The following PRKAG1 variants were observed in gnomAD, a reference collection of about 807,000 sequenced individuals.
PRKAG1 encodes the protein protein kinase AMP-activated non-catalytic subunit gamma 1, also known as 5'-AMP-activated protein kinase subunit gamma-1.
Under a neutral mutation model 48.2 loss-of-function variants are expected in PRKAG1, and 27 were observed. The ratio of observed to expected loss-of-function variants is 0.56; its 90% CI spans 0.41 to 0.77. The LOEUF (loss-of-function observed/expected upper bound fraction) is 0.77, where lower values mean the gene tolerates loss of function less well. Among genes scored for constraint, PRKAG1 ranks in the 30% least tolerant of loss-of-function variants. The pLI is 0.00. For synonymous variants in PRKAG1, 130 were observed against 147.7 expected (o/e 0.88, Z 0.87); for missense variants, 287 against 398.3 (o/e 0.72, Z 2.38).
intron 11 of PRKAG1, 52 bp downstream of exon 11, chr12:49,003,092 C>T (rs1592268958): frequency 1.2e-6 from 2 of 1,613,580 alleles, no homozygotes; most frequent in East Asian, 2.2e-5. Context: ...TTGCCAAACC[C>T]CACTCTCAAG....
chr12:49,013,456 G>C (rs1321969059), intron 1 of PRKAG1, among the ~76,000 whole-genome samples: 6 of 152,058 alleles, frequency 3.9e-5, no homozygotes, highest in Non-Finnish European at 8.8e-5. Context: ...TGTTGCCCAG[G>C]CTGGTCTTGA....
In PRKAG1 at chr12:49,013,108, G is replaced by T. The variant is rs1565739616; in HGVS notation, c.12C>A (p.Val4=). MET[V]ISSDSSPAVE... is the part of the protein sequence containing the mutation. ...CAGCTGGGGAGCTATCTGAAGAAAT[G>T]ACCTGGAGAGATAAGAAAACAGATT... The change falls in exon 2 of 12, where the codon GTC becomes GTA. Residue 4 remains valine (V), a splice_region_variant and synonymous_variant. Transcript: ENST00000548065. 6.2e-7 allele frequency: 1 copy of T among 1,613,310 alleles called. No individual in the cohort carries two copies. The highest frequency in any genetic ancestry group is 2.2e-5 in the East Asian group (1 of 44,884).
intron 2 of PRKAG1, among the ~76,000 whole-genome samples, chr12:49,012,441 G>T (rs1026611663): frequency 6.6e-6 from 1 of 150,394 alleles, no homozygotes; most frequent in East Asian, 2.0e-4. Context: ...GCAATGGCAC[G>T]ATCTTGGCTC....
intron 7 of PRKAG1, 57 bp from the exon 8 acceptor site, chr12:49,004,690 C>T (rs1221474642): frequency 1.2e-6 from 2 of 1,609,268 alleles, no homozygotes; most frequent in African/African-American, 1.3e-5. Flanking sequence ...GGTGATTAAA[C>T]AGGTCCATAC....
intron 7 of PRKAG1, 76 bp from the exon 8 acceptor site, chr12:49,004,709 G>A: frequency 3.1e-6 from 5 of 1,590,820 alleles, no homozygotes; most frequent in Non-Finnish European, 4.3e-6. Flanking sequence ...ACAGTGTATT[G>A]CTCAACAGGG....
chr12:49,003,094 A>G, intron 11 of PRKAG1, 50 bp downstream of exon 11: 1 of 1,612,656 alleles, frequency 6.2e-7, no homozygotes, highest in Non-Finnish European at 8.5e-7. Context: ...GCCAAACCCC[A>G]CTCTCAAGGC....
chr12:49,008,851 T>C (rs1255966456), intron 2 of PRKAG1, among the ~76,000 whole-genome samples: 1 of 152,216 alleles, frequency 6.6e-6, no homozygotes, highest in East Asian at 1.9e-4. Flanking sequence ...ACTCATAGGA[T>C]CTCTGTTTCC....
At chr12:49,013,885 T>G (rs1010577622) in intron 1 of PRKAG1, among the ~76,000 whole-genome samples, 2 of 152,094 alleles carry the variant, frequency 1.3e-5, no homozygotes, top group African/African-American at 4.8e-5. Context: ...TTGTAAATTT[T>G]TTTGTTTGTT....
chr12:49,004,162 C>T, intron 8 of PRKAG1: 1 of 549,178 alleles, frequency 1.8e-6, no homozygotes, highest in Non-Finnish European at 3.1e-6. Flanking sequence ...TGTGGTGGTA[C>T]ACACGTGTAG....
At position 49,003,753 on chromosome 12, in the gene PRKAG1, T is replaced by C; in HGVS notation, c.703+4A>G. On this transcript the variant is annotated splice_donor_region_variant and intron_variant, in intron 9 of 11. Transcript: ENST00000548065. Reference sequence around the variant, plus strand: ...CCTCCCTCTCCTTCTGCCCAATCTCTCACCCTTCTCATCCACCACTGGCAG... The same window carrying C: ...CCTCCCTCTCCTTCTGCCCAATCTCCCACCCTTCTCATCCACCACTGGCAG... 6.2e-7 allele frequency: 1 copy of C among 1,611,078 alleles called. No homozygotes were observed. Among genetic ancestry groups the C allele is most frequent in the Non-Finnish European group, 8.5e-7 (1 of 1,178,394 alleles).
Position 49,002,920 on chromosome 12 carries a change from T to A in PRKAG1, c.975A>T (p.Thr325=), listed in dbSNP as rs61757749. ...CAGCTCAGGGCTTCTTCTCTCCACC[T>A]GTGAGCACCAGGGCCTGCAGGATGT... The part of the protein sequence containing the change: ...LSDILQALVL[T]GGEKKP Residue 325 remains threonine (T), a synonymous_variant, in exon 12 of 12, where the codon ACA becomes ACT. Transcript: ENST00000548065. 4.8e-3 allele frequency: 7,711 copies of A among 1,614,160 alleles called. 31 individuals carry two copies. Among genetic ancestry groups the A allele is most frequent in the Non-Finnish European group, 6.0e-3 (7,087 of 1,179,972 alleles).
chr12:49,004,878 C>T, intron 7 of PRKAG1, 86 bp downstream of exon 7: 1 of 1,319,940 alleles, frequency 7.6e-7, no homozygotes. Context: ...CTCTCTTCTT[C>T]CCCTTTCCCT....
chr12:49,005,960 T>C lies in PRKAG1; in HGVS notation c.59-108A>G. 1.2e-6 allele frequency: 1 copy of C among 814,466 alleles called. No homozygotes were observed. The highest frequency in any genetic ancestry group is 1.9e-6 in the Non-Finnish European group (1 of 518,314). The allele number at this position is 814,466 out of a possible 1,614,324, so 50.5% of individuals were successfully genotyped here. A position where few individuals can be genotyped will look rare whatever the true frequency, so the allele number is the denominator to read the frequency against. On this transcript the variant is annotated intron_variant, in intron 2 of 11. Coordinates refer to ENST00000548065, the MANE Select transcript of PRKAG1 (RefSeq NM_002733.5). The surrounding 1 kb of genome is among the most constrained non-coding windows in gnomAD (Gnocchi z 4.1). Reference sequence around the variant, plus strand: ...GTATCTCAAATATTTAGAGCATTATTTTTTAATAAGACCCCTTATTTTATC... The same window carrying C: ...GTATCTCAAATATTTAGAGCATTATCTTTTAATAAGACCCCTTATTTTATC...
intron 2 of PRKAG1, among the ~76,000 whole-genome samples, chr12:49,010,775 GTCTTTT>G (rs1225434554): frequency 6.6e-6 from 1 of 151,222 alleles, no homozygotes; most frequent in African/African-American, 2.4e-5. Context: ...GTGTGTTTGT[GTCTTTT>G]TCTTTAAAAA....
At chr12:49,008,539 C>T (rs1372323673) in intron 2 of PRKAG1, 1 of 152,160 alleles carries the variant, frequency 6.6e-6, no homozygotes, top group Non-Finnish European at 1.5e-5. Flanking sequence ...GCTCCTATAT[C>T]GCGTTTTTAT....
At position 49,002,817 on chromosome 12, in the gene PRKAG1, A is replaced by G; in HGVS notation, c.*82T>C. 7.6e-7 allele frequency: 1 copy of G among 1,323,104 alleles called. No homozygotes were observed. The highest frequency in any genetic ancestry group is 2.4e-5 in the East Asian group (1 of 41,276). 82.0% of individuals were successfully genotyped at this position (1,323,104 alleles called of 1,614,324 possible). On this transcript the variant is annotated 3_prime_UTR_variant, in exon 12 of 12. Coordinates refer to ENST00000548065, the MANE Select transcript of PRKAG1 (RefSeq NM_002733.5). Reference sequence around the variant, plus strand: ...AGGGAACAGAGTCACAATTCCCTCAAGTTTCATCTGATTCCCACAGAGCTT... The same window carrying G: ...AGGGAACAGAGTCACAATTCCCTCAGGTTTCATCTGATTCCCACAGAGCTT...
At chr12:49,017,056 T>A (rs1348146416) in intron 1 of PRKAG1, 5 of 440,544 alleles carry the variant, frequency 1.1e-5, no homozygotes, top group Non-Finnish European at 2.3e-5. Context: ...CCAAAGTAAT[T>A]TTTCTCTCAG....
chr12:49,012,184 T>C (rs753184793), intron 2 of PRKAG1, among the ~76,000 whole-genome samples: 43 of 152,126 alleles, frequency 2.8e-4, no homozygotes, highest in Admixed American at 4.6e-4. Flanking sequence ...TCATATGTAG[T>C]TCACTTCACT....
intron 7 of PRKAG1, 86 bp from the exon 8 acceptor site, chr12:49,004,719 G>A: frequency 6.3e-7 from 1 of 1,574,864 alleles, no homozygotes; most frequent in Non-Finnish European, 8.7e-7. Context: ...GCTCAACAGG[G>A]AAAACTGATG....
Sources: allele counts gnomAD v4.1 joint callset (sites outside exome capture counted in the v4.1 genomes callset), GRCh38; gene constraint gnomAD v4.1.1; non-coding constraint Gnocchi (gnomAD v3.1); transcripts MANE v1.5; gene names NCBI Gene and HGNC (gene_info 2026-07-23, HGNC 2026-07-21).